The following AGBL4 variants were observed in gnomAD, a reference collection of about 807,000 sequenced individuals.
AGBL4 encodes the protein cytosolic carboxypeptidase 6.
Under a neutral mutation model 66.4 loss-of-function variants are expected in AGBL4, and 58 were observed. The ratio of observed to expected loss-of-function variants is 0.87; its 90% confidence interval spans 0.71 to 1.09. AGBL4 has a LOEUF of 1.09. Ranked by LOEUF, AGBL4 falls within the 50% of genes least tolerant of loss-of-function variation. The probability of loss-of-function intolerance (pLI) is 0.00; values close to 1 mark genes in which losing one functional copy is unlikely to be tolerated. For synonymous variants in AGBL4, 234 were observed against 222.9 expected (o/e 1.05, Z -0.44); for missense variants, 579 against 631.0 (o/e 0.92, Z 0.88).
intron 11 of AGBL4, among the ~76,000 whole-genome samples, chr1:48,574,866 A>G (rs1644625523): frequency 6.6e-6 from 1 of 152,168 alleles, no homozygotes; most frequent in South Asian, 2.1e-4. Context: ...TTGGCTGGGC[A>G]TGCAGCCTGA....
At chr1:49,130,366 T>G (rs1460697655) in intron 4 of AGBL4, among the ~76,000 whole-genome samples, 1 of 152,224 alleles carries the variant, frequency 6.6e-6, no homozygotes, top group East Asian at 1.9e-4. Context: ...GCTTTTGGTG[T>G]TTTAGACATG....
At chr1:49,338,110 T>C (rs908791673) in intron 3 of AGBL4, among the ~76,000 whole-genome samples, 2 of 152,222 alleles carry the variant, frequency 1.3e-5, no homozygotes, top group Non-Finnish European at 2.9e-5. Context: ...GCATCTATCT[T>C]ACTGTCTTTA....
chr1:49,077,195 G>T (rs1369617794), intron 4 of AGBL4, among the ~76,000 whole-genome samples: 2 of 151,928 alleles, frequency 1.3e-5, no homozygotes. Flanking sequence ...CACATAGTGG[G>T]TGCTTAAAGA....
At chr1:49,257,094 T>C (rs1415384299) in intron 3 of AGBL4, among the ~76,000 whole-genome samples, 1 of 149,038 alleles carries the variant, frequency 6.7e-6, no homozygotes, top group East Asian at 2.0e-4. Context: ...AAGATAGACA[T>C]ATTTGAGTAT....
intron 5 of AGBL4, among the ~76,000 whole-genome samples, chr1:49,028,751 A>G (rs992500904): frequency 3.3e-5 from 5 of 152,182 alleles, no homozygotes; most frequent in African/African-American, 9.6e-5. Context: ...AGACAAAGAC[A>G]TTGCCAAAGA....
At chr1:49,498,508 T>C (rs956829961) in intron 3 of AGBL4, among the ~76,000 whole-genome samples, 1 of 151,774 alleles carries the variant, frequency 6.6e-6, no homozygotes, top group Non-Finnish European at 1.5e-5. Flanking sequence ...ATTACAGAAT[T>C]ATCTTTTTAA....
chr1:48,894,540 T>C (rs1448923880), intron 5 of AGBL4, among the ~76,000 whole-genome samples: 2 of 152,098 alleles, frequency 1.3e-5, no homozygotes, highest in African/African-American at 4.8e-5. Context: ...TAAAATACAA[T>C]AAGCCATTAT....
chr1:48,618,434 G>A (rs1286036290), intron 9 of AGBL4, among the ~76,000 whole-genome samples: 1 of 152,150 alleles, frequency 6.6e-6, no homozygotes, highest in Non-Finnish European at 1.5e-5. Context: ...CAATTCTATA[G>A]TACTACAGTC....
intron 6 of AGBL4, among the ~76,000 whole-genome samples, chr1:48,819,856 T>TCTTGCCACCTAAGAAAG (rs1646271650): frequency 2.0e-5 from 3 of 152,200 alleles, no homozygotes; most frequent in Admixed American, 2.0e-4. Flanking sequence ...GTGATGGGGA[T>TCTTGCCACCTAAGAAAG]CTTGCCACCT....
chr1:48,674,506 G>A (rs1248714284), intron 6 of AGBL4, among the ~76,000 whole-genome samples: 1 of 136,032 alleles, frequency 7.4e-6, no homozygotes, highest in African/African-American at 2.9e-5. Context: ...TAGGTGGGCT[G>A]GGGGTGTTGG....
chr1:49,345,947 C>A (rs796434026), intron 3 of AGBL4, among the ~76,000 whole-genome samples: 1 of 152,212 alleles, frequency 6.6e-6, no homozygotes, highest in African/African-American at 2.4e-5. Flanking sequence ...TCAAAGTTGA[C>A]TTACAGAACC....
intron 4 of AGBL4, among the ~76,000 whole-genome samples, chr1:49,102,996 A>T (rs1645231088): frequency 6.6e-6 from 1 of 152,224 alleles, no homozygotes; most frequent in Non-Finnish European, 1.5e-5. Context: ...GTTATGAGGC[A>T]TCTGTGGTTA....
At chr1:49,762,022 A>G (rs991321851) in intron 2 of AGBL4, among the ~76,000 whole-genome samples, 1 of 152,214 alleles carries the variant, frequency 6.6e-6, no homozygotes, top group Non-Finnish European at 1.5e-5. Context: ...TATTGTAAAT[A>G]CTGCTACAAT....
chr1:48,610,215 TG>T (rs1645215745), intron 9 of AGBL4, among the ~76,000 whole-genome samples: 1 of 152,228 alleles, frequency 6.6e-6, no homozygotes, highest in African/African-American at 2.4e-5. Flanking sequence ...ATATTGGCTT[TG>T]TCTCTCCCAT....
At chr1:49,260,480 C>T (rs1653027711) in intron 3 of AGBL4, among the ~76,000 whole-genome samples, 1 of 152,048 alleles carries the variant, frequency 6.6e-6, no homozygotes. Flanking sequence ...GGGGATATCA[C>T]CACCGATCCC....
chr1:49,866,877 A>T (rs1425914483), intron 1 of AGBL4, among the ~76,000 whole-genome samples: 1 of 150,420 alleles, frequency 6.6e-6, no homozygotes, highest in Non-Finnish European at 1.5e-5. Flanking sequence ...TGTTCCTCTT[A>T]TTTAACCATG....
chr1:49,539,257 T>A, intron 3 of AGBL4, among the ~76,000 whole-genome samples: 1 of 152,206 alleles, frequency 6.6e-6, no homozygotes, highest in East Asian at 1.9e-4. Context: ...CAATTATATG[T>A]AAGTGGATGA....
intron 6 of AGBL4, among the ~76,000 whole-genome samples, chr1:48,830,884 C>T (rs897403779): frequency 1.1e-4 from 16 of 152,166 alleles, no homozygotes; most frequent in Non-Finnish European, 2.2e-4. Flanking sequence ...TGCTGAGGGC[C>T]TGCTACATAC....
chr1:49,487,076 CA>C (rs1647083510), intron 3 of AGBL4, among the ~76,000 whole-genome samples: 2 of 151,790 alleles, frequency 1.3e-5, no homozygotes, highest in Non-Finnish European at 1.5e-5. Context: ...ATTAAATGTT[CA>C]AAAATAAGCT....
Sources: allele counts gnomAD v4.1 joint callset (sites outside exome capture counted in the v4.1 genomes callset), GRCh38; gene constraint gnomAD v4.1.1; transcripts MANE v1.5; gene names NCBI Gene and HGNC (gene_info 2026-07-23, HGNC 2026-07-21).